Variants in FRMD3 observed in about 807,000 individuals in gnomAD.
FRMD3 encodes FERM domain containing 3, also known as FERM domain-containing protein 3.
In FRMD3, 33 loss-of-function variants were observed where a neutral mutation model predicts 70.2. The ratio of observed to expected loss-of-function variants is 0.47; its 90% CI spans 0.36 to 0.63. FRMD3 has a LOEUF of 0.63. FRMD3 is among the 20% of genes least tolerant of loss of function. The pLI is 0.00. For synonymous variants in FRMD3, 279 were observed against 255.9 expected (o/e 1.09, Z -0.86); for missense variants, 632 against 711.4 (o/e 0.89, Z 1.27).
Position 83,357,235 on chromosome 9 carries a change from TATAA to T in FRMD3, c.296-7482_296-7479del, listed in dbSNP as rs1564032352. Reference sequence around the variant, plus strand: ...ATGGAATATATATATTTTATATATATATAATACATACATATATATATATATATAT... The same window carrying T: ...ATGGAATATATATATTTTATATATATTACATACATATATATATATATATAT... On this transcript the variant is annotated intron_variant, in intron 3 of 13. Coordinates refer to ENST00000304195, the MANE Select transcript of FRMD3 (RefSeq NM_174938.6). Among the ~76,000 whole-genome samples, 32 of 13,340 alleles carry T rather than the reference TATAA, an allele frequency of 2.4e-3. 10 individuals carry two copies. The highest frequency in any genetic ancestry group is 0.012 in the African/African-American group (32 of 2,674). 8.8% of individuals were successfully genotyped at this position (13,340 alleles called of 152,430 possible).
rs1002425502 is a variant in FRMD3 at position 83,537,992 on chromosome 9, G to A, written c.147+93C>T. 2.1e-6 allele frequency: 3 copies of A among 1,419,298 alleles called. No homozygotes were observed. Among genetic ancestry groups the A allele is most frequent in the Non-Finnish European group, 2.9e-6 (3 of 1,031,914 alleles). The allele number at this position is 1,419,298 out of a possible 1,614,324, so 87.9% of individuals were successfully genotyped here. A position where few individuals can be genotyped will look rare whatever the true frequency, so the allele number is the denominator to read the frequency against. ...TCTAGCAGTCCCCCAATCCCCTCCG[G>A]GAGTGGGTTCCTTGTTCTCGCATGC... On this transcript the variant is annotated intron_variant, in intron 1 of 13. Coordinates refer to ENST00000304195, the MANE Select transcript of FRMD3 (RefSeq NM_174938.6). This position sits in a 1 kb window ranked among gnomAD's most constrained non-coding sequence, Gnocchi z 4.1.
intron 13 of FRMD3, chr9:83,267,068 C>T: frequency 6.4e-7 from 1 of 1,550,932 alleles, no homozygotes; most frequent in Non-Finnish European, 8.7e-7. Context: ...AAACACATTA[C>T]TGTTGCAGTG....
intron 6 of FRMD3, among the ~76,000 whole-genome samples, chr9:83,321,394 T>C (rs1438665824): frequency 6.6e-6 from 1 of 152,184 alleles, no homozygotes; most frequent in Non-Finnish European, 1.5e-5. Flanking sequence ...TTTTCATTAA[T>C]TTCAAAAAGT....
At chr9:83,417,431 C>G (rs900382567) in intron 1 of FRMD3, among the ~76,000 whole-genome samples, 3 of 152,122 alleles carry the variant, frequency 2.0e-5, no homozygotes, top group African/African-American at 7.2e-5. Flanking sequence ...CTATCACAAC[C>G]CTCTAAATTA....
chr9:83,425,647 T>C (rs1451961802), intron 1 of FRMD3, among the ~76,000 whole-genome samples: 1 of 152,176 alleles, frequency 6.6e-6, no homozygotes, highest in African/African-American at 2.4e-5. Context: ...GGCTCACACC[T>C]GCAATCCCCA....
At chr9:83,451,958 T>C (rs1334141666) in intron 1 of FRMD3, among the ~76,000 whole-genome samples, 2 of 152,184 alleles carry the variant, frequency 1.3e-5, no homozygotes, top group Non-Finnish European at 1.5e-5. Flanking sequence ...GGTTTGTGAG[T>C]TTAAGAGGAA....
the FRMD3 span, among the ~76,000 whole-genome samples, chr9:83,552,369 G>A: frequency 6.6e-6 from 1 of 152,136 alleles, no homozygotes; most frequent in Non-Finnish European, 1.5e-5. Context: ...TTTTACATTT[G>A]TTGAGGATTG....
Position 83,253,459 on chromosome 9 carries a change from T to G in FRMD3, c.1196-4943A>C, listed in dbSNP as rs186323690. Among the ~76,000 whole-genome samples, 320 of 152,200 alleles carry G rather than the reference T, an allele frequency of 2.1e-3. 2 individuals are homozygous for G. Among genetic ancestry groups the G allele is most frequent in the African/African-American group, 7.1e-3 (294 of 41,538 alleles). On this transcript the variant is annotated intron_variant, in intron 13 of 13. Transcript: ENST00000304195. ...CCCATCAAAAAGTGGGCAAAAGATA[T>G]GAACAGACACTTCTCAAAAGAAGAC...
intron 1 of FRMD3, among the ~76,000 whole-genome samples, chr9:83,428,011 T>C (rs898298425): frequency 2.0e-5 from 3 of 152,188 alleles, no homozygotes; most frequent in African/African-American, 7.2e-5. Flanking sequence ...GGTGATGATG[T>C]ACATAGTAAG....
At chr9:83,409,607 T>C (rs981655712) in intron 1 of FRMD3, among the ~76,000 whole-genome samples, 37 of 152,364 alleles carry the variant, frequency 2.4e-4, no homozygotes, top group Non-Finnish European at 8.8e-5. Context: ...AATTTCTTAA[T>C]AAGAGCAAAC....
the FRMD3 span, among the ~76,000 whole-genome samples, chr9:83,552,267 C>A: frequency 2.6e-5 from 4 of 152,016 alleles, no homozygotes; most frequent in African/African-American, 7.2e-5. Context: ...TTAATTTCCA[C>A]GTAATTGTAT....
At chr9:83,541,358 A>G (rs1192078695), upstream of FRMD3, among the ~76,000 whole-genome samples, 2 of 152,210 alleles carry the variant, frequency 1.3e-5, no homozygotes. Flanking sequence ...AAATTGACTA[A>G]CTGACTTCTG....
In FRMD3 at chr9:83,416,761, C is replaced by CTCTCTG. The variant is rs1229709765; in HGVS notation, c.148-27054_148-27053insCAGAGA. Among the ~76,000 whole-genome samples, 5 of 113,850 alleles carry CTCTCTG rather than the reference C, an allele frequency of 4.4e-5. No homozygotes were observed. The East Asian group carries it at 1.2e-3, about 28-fold the overall frequency. 74.7% of individuals were successfully genotyped at this position (113,850 alleles called of 152,430 possible). The stretch of plus-strand genomic sequence containing the variant: ...TTTCTCTCTGTCTCTCTCTCTCTCT[C>CTCTCTG]TCTCTCTCTCTCTCTCTCTCTCTCT... On this transcript the variant is annotated intron_variant, in intron 1 of 13. Transcript: ENST00000304195.
chr9:83,269,014 C>CA (rs1833411230), intron 13 of FRMD3, among the ~76,000 whole-genome samples: 2 of 152,354 alleles, frequency 1.3e-5, no homozygotes, highest in South Asian at 4.1e-4. Context: ...ACACCTCCCT[C>CA]ACTAGTCACC....
rs112572674 is a variant in FRMD3, at chr9:83,417,271, C to T, written c.148-27563G>A. ...GTTGATCCAGTATATGTGCCAAGCA[C>T]TGTTCTAGGTGCTAAAAATAAAACA... On this transcript the variant is annotated intron_variant, in intron 1 of 13. Transcript: ENST00000304195. Among the ~76,000 whole-genome samples, 920 of 152,342 alleles carry T rather than the reference C, an allele frequency of 6.0e-3. 11 individuals are homozygous for T. The highest frequency in any genetic ancestry group is 0.02 in the African/African-American group (846 of 41,564).
chr9:83,419,142 G>T (rs980665017), intron 1 of FRMD3, among the ~76,000 whole-genome samples: 1 of 152,080 alleles, frequency 6.6e-6, no homozygotes, highest in African/African-American at 2.4e-5. Context: ...GGAAGGGGAA[G>T]GGTAGGAGGG....
the FRMD3 span, among the ~76,000 whole-genome samples, chr9:83,575,947 A>G: frequency 1.3e-5 from 2 of 152,208 alleles, no homozygotes; most frequent in Admixed American, 6.6e-5. Context: ...AGCCAGGCAC[A>G]TTGGCTCATG....
At chr9:83,348,073 G>A (rs1824020229) in intron 4 of FRMD3, among the ~76,000 whole-genome samples, 1 of 152,136 alleles carries the variant, frequency 6.6e-6, no homozygotes, top group South Asian at 2.1e-4. Context: ...ACAACAAAAT[G>A]TCCATCCTTA....
chr9:83,285,323 CTTAGT>C (rs1294016596), intron 13 of FRMD3, among the ~76,000 whole-genome samples: 1 of 152,168 alleles, frequency 6.6e-6, no homozygotes, highest in Non-Finnish European at 1.5e-5. Context: ...TTACCATTCT[CTTAGT>C]TTCCAGCTAT....
Sources: allele counts gnomAD v4.1 joint callset (sites outside exome capture counted in the v4.1 genomes callset), GRCh38; gene constraint gnomAD v4.1.1; non-coding constraint Gnocchi (gnomAD v3.1); transcripts MANE v1.5; gene names NCBI Gene and HGNC (gene_info 2026-07-23, HGNC 2026-07-21).